Variants in ADAM10 observed in about 807,000 individuals in gnomAD.
ADAM10 encodes the protein disintegrin and metalloproteinase domain-containing protein 10.
ADAM10 carries 17 observed loss-of-function variants against 90.1 expected under a neutral mutation model. That is an observed-to-expected ratio of 0.19 (90% CI 0.13 to 0.28). The LOEUF is 0.28. Among genes scored for constraint, ADAM10 ranks in the 10% least tolerant of loss-of-function variants. The pLI is 1.00. For missense variants in ADAM10, 610 were observed against 914.3 expected (o/e 0.67, Z 4.29); for synonymous variants, 310 against 298.6 (o/e 1.04, Z -0.40).
intron 2 of ADAM10, among the ~76,000 whole-genome samples, chr15:58,706,410 A>C (rs1175284692): frequency 6.6e-6 from 1 of 152,134 alleles, no homozygotes; most frequent in Non-Finnish European, 1.5e-5. Context: ...GTTTCCAGAT[A>C]CTCATTTCCT....
chr15:58,639,641 A>C (rs1896360950), intron 8 of ADAM10, among the ~76,000 whole-genome samples: 1 of 152,226 alleles, frequency 6.6e-6, no homozygotes, highest in Non-Finnish European at 1.5e-5. Flanking sequence ...TATGCAGCCC[A>C]TGACATAAAC....
At chr15:58,688,786 A>ATATATATATATATATATATATATCTCTC in intron 2 of ADAM10, among the ~76,000 whole-genome samples, 70 of 122,340 alleles carry the variant, frequency 5.7e-4, no homozygotes, top group East Asian at 1.9e-3. Context: ...ATATATATAT[A>ATATATATATATATATATATATATCTCTC]TCTCTCTCTC....
chr15:58,680,453 A>G (rs1897402705), intron 3 of ADAM10, among the ~76,000 whole-genome samples: 2 of 152,340 alleles, frequency 1.3e-5, no homozygotes, highest in Admixed American at 6.5e-5. Context: ...GAACAGTGTC[A>G]AATATTTCAT....
chr15:58,639,069 C>T (rs1185533607), intron 8 of ADAM10, among the ~76,000 whole-genome samples: 1 of 148,600 alleles, frequency 6.7e-6, no homozygotes, highest in Non-Finnish European at 1.5e-5. Context: ...ACTGAAAATG[C>T]AAAATGGCAG....
At chr15:58,712,608 A>G (rs1474274801) in intron 2 of ADAM10, among the ~76,000 whole-genome samples, 1 of 151,722 alleles carries the variant, frequency 6.6e-6, no homozygotes, top group Non-Finnish European at 1.5e-5. Context: ...TCATGAGGTC[A>G]GGAGATCAAG....
intron 11 of ADAM10, among the ~76,000 whole-genome samples, chr15:58,615,277 A>AG (rs1491219430): frequency 2.8e-5 from 1 of 35,746 alleles, no homozygotes; most frequent in Non-Finnish European, 4.2e-5. Flanking sequence ...CCGTCTGAAG[A>AG]AAAAAAAAAA....
intron 10 of ADAM10, among the ~76,000 whole-genome samples, chr15:58,624,281 T>C (rs1196279495): frequency 1.3e-5 from 2 of 151,030 alleles, no homozygotes; most frequent in Non-Finnish European, 2.9e-5. Context: ...CGAGACTCTG[T>C]CTCAAAAAAA....
chr15:58,637,303 A>G (rs1470548511), intron 8 of ADAM10, among the ~76,000 whole-genome samples: 2 of 152,256 alleles, frequency 1.3e-5, no homozygotes, highest in Non-Finnish European at 2.9e-5. Flanking sequence ...ATGAATTCCA[A>G]AGCCAGCCTC....
chr15:58,655,647 C>A (rs1896788804), intron 5 of ADAM10, among the ~76,000 whole-genome samples: 1 of 90,510 alleles, frequency 1.1e-5, no homozygotes, highest in African/African-American at 7.0e-5. Context: ...TGAACTGATC[C>A]CTTTGCATAC....
intron 1 of ADAM10, among the ~76,000 whole-genome samples, chr15:58,719,426 G>GA (rs1193617882): frequency 2.0e-5 from 3 of 147,300 alleles, no homozygotes; most frequent in East Asian, 2.0e-4. Context: ...TTCAAGAGAA[G>GA]AAAAAAAAAA....
At chr15:58,599,434 T>A (rs761873020) in intron 15 of ADAM10, among the ~76,000 whole-genome samples, 164 bp downstream of exon 15, 1 of 152,124 alleles carries the variant, frequency 6.6e-6, no homozygotes, top group Non-Finnish European at 1.5e-5. Flanking sequence ...CCAGATTGGA[T>A]TGACAAAAAG....
chr15:58,666,635 A>C (rs1030673308), intron 4 of ADAM10, among the ~76,000 whole-genome samples: 3 of 152,024 alleles, frequency 2.0e-5, no homozygotes, highest in Admixed American at 1.3e-4. Context: ...AAAACCCTAA[A>C]ACTCACTTAC....
intron 8 of ADAM10, 81 bp from the exon 9 acceptor site, chr15:58,633,440 A>C: frequency 8.4e-7 from 1 of 1,185,638 alleles, no homozygotes; most frequent in Non-Finnish European, 1.2e-6. Context: ...ATATTAAATG[A>C]AAACATTTTA....
chr15:58,663,565 A>C (rs997195114), intron 5 of ADAM10, among the ~76,000 whole-genome samples: 1 of 151,998 alleles, frequency 6.6e-6, no homozygotes, highest in Non-Finnish European at 1.5e-5. Context: ...TCCATATAAC[A>C]TTTTTGACCC....
At chr15:58,633,410 C>T (rs1190463087) in intron 8 of ADAM10, 51 bp from the exon 9 acceptor site, 3 of 1,494,962 alleles carry the variant, frequency 2.0e-6, no homozygotes, top group Non-Finnish European at 2.8e-6. Context: ...CCCCTTACCC[C>T]CAAAAAGGTA....
intron 2 of ADAM10, among the ~76,000 whole-genome samples, chr15:58,711,954 C>T (rs1258237501): frequency 6.6e-6 from 1 of 151,998 alleles, no homozygotes; most frequent in Non-Finnish European, 1.5e-5. Context: ...CCTTATGCTT[C>T]TCTTCAATGA....
At chr15:58,659,573 T>A (rs1327701402) in intron 5 of ADAM10, among the ~76,000 whole-genome samples, 2 of 152,300 alleles carry the variant, frequency 1.3e-5, no homozygotes, top group African/African-American at 4.8e-5. Flanking sequence ...GAGCATAATG[T>A]GTTTTTTTAT....
chr15:58,699,834 G>A (rs1421973840), intron 2 of ADAM10, among the ~76,000 whole-genome samples: 2 of 151,922 alleles, frequency 1.3e-5, no homozygotes, highest in African/African-American at 4.8e-5. Context: ...TAAAATGGCA[G>A]GAATAAGCGC....
rs868122471 is a variant in ADAM10 at position 58,592,906 on chromosome 15, C to G, written c.*4641G>C. The G allele has an allele frequency of 6.6e-6, 1 of 150,394 alleles. No homozygotes were observed. Among genetic ancestry groups the G allele is most frequent in the African/African-American group, 2.4e-5 (1 of 41,118 alleles). 9.3% of individuals were successfully genotyped at this position (150,394 alleles called of 1,614,324 possible). ...ATTTCATTATTAGGCTGAGGATTTT[C>G]CTAAGAATTGTTTAAAATTCTTTAG... On this transcript the variant is annotated 3_prime_UTR_variant, in exon 16 of 16. Transcript: ENST00000260408.
Sources: allele counts gnomAD v4.1 joint callset (sites outside exome capture counted in the v4.1 genomes callset), GRCh38; gene constraint gnomAD v4.1.1; transcripts MANE v1.5; gene names NCBI Gene and HGNC (gene_info 2026-07-23, HGNC 2026-07-21).